Variants in TBX15 observed in about 807,000 individuals in gnomAD.
The protein encoded by TBX15 is T-box transcription factor TBX15.
TBX15 carries 18 observed loss-of-function variants against 53.9 expected under a neutral mutation model. The ratio of observed to expected loss-of-function variants is 0.33; its 90% confidence interval spans 0.23 to 0.49. The LOEUF is 0.49. Ranked by LOEUF, TBX15 falls within the 20% of genes least tolerant of loss-of-function variation. The probability of loss-of-function intolerance (pLI) is 0.98; values close to 1 mark genes in which losing one functional copy is unlikely to be tolerated. For missense variants in TBX15, 692 were observed against 749.5 expected, an observed-to-expected ratio of 0.92 and a Z score of 0.90; for synonymous variants, 295 against 278.0, an observed-to-expected ratio of 1.06 and a Z score of -0.61.
At chr1:118,926,406 C>G (rs1655596419) in intron 3 of TBX15, 104 bp downstream of exon 3, 1 of 1,022,044 alleles carries the variant, frequency 9.8e-7, no homozygotes, top group Non-Finnish European at 1.5e-6. Flanking sequence ...ATTCCTTGTT[C>G]TCTGTACAGC....
chr1:118,913,484 A>G (rs1271762040), intron 6 of TBX15, among the ~76,000 whole-genome samples: 1 of 152,202 alleles, frequency 6.6e-6, no homozygotes, highest in Non-Finnish European at 1.5e-5. Flanking sequence ...AAGAGAAATG[A>G]CACAGTCTCT....
At chr1:118,977,034 C>A (rs954938768) in intron 1 of TBX15, among the ~76,000 whole-genome samples, 4 of 152,152 alleles carry the variant, frequency 2.6e-5, no homozygotes, top group Non-Finnish European at 5.9e-5. Context: ...CTCAAGTAAT[C>A]CTTTAGTGAA....
chr1:118,893,599 G>A (rs555570795), intron 7 of TBX15, among the ~76,000 whole-genome samples: 16 of 138,322 alleles, frequency 1.2e-4, no homozygotes, highest in African/African-American at 4.8e-4. Context: ...AGGAAGGAAG[G>A]AAAGAAAGAA....
intron 7 of TBX15, among the ~76,000 whole-genome samples, chr1:118,888,058 C>T (rs562769347): frequency 3.3e-5 from 5 of 152,316 alleles, no homozygotes; most frequent in African/African-American, 9.6e-5. Context: ...CTTTCTAATA[C>T]TCAACTTAAA....
chr1:118,961,421 GC>G (rs1277205247), intron 1 of TBX15, among the ~76,000 whole-genome samples: 2 of 152,136 alleles, frequency 1.3e-5, no homozygotes, highest in African/African-American at 4.8e-5. Flanking sequence ...GCAAAGTACT[GC>G]TAGGAATCAG....
chr1:118,987,861 C>A lies in TBX15; in HGVS notation c.-66G>T. On this transcript the variant is annotated 5_prime_UTR_variant, in exon 1 of 8. Transcript: ENST00000369429. ...CGAGGGAGCAGCCGGCGCCCTCAAG[C>A]TCTGAGCGCCCACCGGGCCCGGCCC... 3.9e-6 allele frequency: 6 copies of A among 1,531,124 alleles called. No homozygotes were observed. Among genetic ancestry groups the A allele is most frequent in the Non-Finnish European group, 5.3e-6 (6 of 1,136,998 alleles). 94.8% of individuals were successfully genotyped at this position (1,531,124 alleles called of 1,614,324 possible). A position where few individuals can be genotyped will look rare whatever the true frequency, so the allele number is the denominator to read the frequency against.
At chr1:118,887,700 A>C (rs1308008830) in intron 7 of TBX15, among the ~76,000 whole-genome samples, 2 of 151,556 alleles carry the variant, frequency 1.3e-5, no homozygotes. Flanking sequence ...AGGATTCCAG[A>C]GACACTGGAA....
intron 2 of TBX15, among the ~76,000 whole-genome samples, chr1:118,928,680 T>C (rs1014342345): frequency 2.6e-5 from 4 of 152,190 alleles, no homozygotes; most frequent in African/African-American, 9.7e-5. Flanking sequence ...AGAGAGGCTG[T>C]ATTACACGAA....
intron 7 of TBX15, among the ~76,000 whole-genome samples, chr1:118,895,422 A>G (rs1213041930): frequency 6.6e-6 from 1 of 152,228 alleles, no homozygotes; most frequent in Non-Finnish European, 1.5e-5. Flanking sequence ...TGGCCACTCA[A>G]ATAGCTCCAT....
At chr1:118,977,574 A>C (rs2101048148) in intron 1 of TBX15, among the ~76,000 whole-genome samples, 1 of 152,332 alleles carries the variant, frequency 6.6e-6, no homozygotes, top group Admixed American at 6.5e-5. Flanking sequence ...GCTGTGCAGA[A>C]TGTGGACATC....
chr1:118,933,415 A>G (rs1035895318), intron 1 of TBX15, among the ~76,000 whole-genome samples: 2 of 152,064 alleles, frequency 1.3e-5, no homozygotes, highest in African/African-American at 4.8e-5. Flanking sequence ...CACTACATGA[A>G]GATGTAGTCA....
At chr1:118,895,589 G>C (rs1015923458) in intron 7 of TBX15, among the ~76,000 whole-genome samples, 22 of 152,096 alleles carry the variant, frequency 1.4e-4, no homozygotes, top group Non-Finnish European at 2.8e-4. Context: ...AGCATAACTT[G>C]CCTGGTTAGT....
chr1:118,958,463 C>A (rs1027827594), intron 1 of TBX15, among the ~76,000 whole-genome samples: 2 of 152,196 alleles, frequency 1.3e-5, no homozygotes, highest in Non-Finnish European at 2.9e-5. Flanking sequence ...TTTTCTTTTG[C>A]TTCAGGTTCC....
chr1:118,913,155 A>T (rs1002553756), intron 6 of TBX15, among the ~76,000 whole-genome samples: 1 of 152,192 alleles, frequency 6.6e-6, no homozygotes, highest in African/African-American at 2.4e-5. Context: ...GGTTTATTTG[A>T]AAATTCTTAC....
At chr1:118,985,562 TCC>T (rs1557911267) in intron 1 of TBX15, among the ~76,000 whole-genome samples, 1 of 152,072 alleles carries the variant, frequency 6.6e-6, no homozygotes, top group Non-Finnish European at 1.5e-5. Flanking sequence ...ACTTAAGGAT[TCC>T]CCCGGCCCAC....
intron 5 of TBX15, among the ~76,000 whole-genome samples, chr1:118,919,583 C>A (rs1655356249): frequency 6.6e-6 from 1 of 152,130 alleles, no homozygotes; most frequent in African/African-American, 2.4e-5. Context: ...TACTTACACC[C>A]AAAGAAACAG....
At chr1:118,978,389 C>T (rs1018229108) in intron 1 of TBX15, among the ~76,000 whole-genome samples, 5 of 152,144 alleles carry the variant, frequency 3.3e-5, no homozygotes, top group African/African-American at 1.2e-4. Context: ...AAAAGCAAAA[C>T]CAAAGTTAGG....
chr1:118,943,138 GAATATACTT>G (rs1194877682), intron 1 of TBX15, among the ~76,000 whole-genome samples: 1 of 152,166 alleles, frequency 6.6e-6, no homozygotes, highest in Admixed American at 6.5e-5. Flanking sequence ...CGCACAATAG[GAATATACTT>G]AATATAAATT....
chr1:118,945,385 A>G (rs1656315954), intron 1 of TBX15, among the ~76,000 whole-genome samples: 2 of 152,180 alleles, frequency 1.3e-5, no homozygotes, highest in Admixed American at 6.5e-5. Flanking sequence ...ATTAATCTCC[A>G]CCTAGACAGG....
Sources: allele counts gnomAD v4.1 joint callset (sites outside exome capture counted in the v4.1 genomes callset), GRCh38; gene constraint gnomAD v4.1.1; transcripts MANE v1.5; gene names NCBI Gene and HGNC (gene_info 2026-07-23, HGNC 2026-07-21).